Variants in PHC3 observed in about 807,000 individuals in gnomAD.
PHC3 encodes the protein polyhomeotic homolog 3.
A neutral mutation model predicts 107.4 loss-of-function variants in PHC3; 13 were observed. The ratio of observed to expected loss-of-function variants is 0.12; its 90% CI spans 0.08 to 0.19. The LOEUF is 0.19. PHC3 is among the 10% of genes least tolerant of loss of function. The pLI is 1.00. For missense variants in PHC3, 992 were observed against 1,210.9 expected (o/e 0.82, Z 2.68); for synonymous variants, 456 against 427.4 (o/e 1.07, Z -0.83).
chr3:170,176,356 C>T (rs2108779162), intron 2 of PHC3, among the ~76,000 whole-genome samples: 1 of 152,024 alleles, frequency 6.6e-6, no homozygotes, highest in Non-Finnish European at 1.5e-5. Context: ...TTCCACTCCA[C>T]AGTGATTTTG....
chr3:170,153,868 G>C (rs1560104636), intron 4 of PHC3, among the ~76,000 whole-genome samples: 1 of 151,764 alleles, frequency 6.6e-6, no homozygotes, highest in Admixed American at 6.6e-5. Context: ...CATTACCATA[G>C]CAAGGTATGT....
At chr3:170,146,745 C>T (rs1415441674) in intron 5 of PHC3, among the ~76,000 whole-genome samples, 2 of 151,762 alleles carry the variant, frequency 1.3e-5, no homozygotes, top group East Asian at 3.9e-4. Context: ...GTTGGCCAGG[C>T]TGGTCTCGAA....
intron 1 of PHC3, 102 bp downstream of exon 1, chr3:170,181,600 A>G: frequency 6.4e-7 from 1 of 1,558,474 alleles, no homozygotes. Flanking sequence ...CTCTTTCCCC[A>G]CACTGCCCGC....
intron 7 of PHC3, among the ~76,000 whole-genome samples, chr3:170,129,764 A>T (rs188196442): frequency 6.6e-6 from 1 of 151,898 alleles, no homozygotes; most frequent in African/African-American, 2.4e-5. Context: ...CAGTGGCATG[A>T]TCTCAGCTCA....
At chr3:170,177,812 T>A (rs948262134) in intron 2 of PHC3, among the ~76,000 whole-genome samples, 1 of 151,474 alleles carries the variant, frequency 6.6e-6, no homozygotes, top group African/African-American at 2.4e-5. Context: ...CTGGGACCAC[T>A]GGCACATGCC....
In PHC3 at chr3:170,095,057, G is replaced by A. The variant is rs977478848; in HGVS notation, c.*2173C>T. 6.6e-6 allele frequency: 1 copy of A among 152,088 alleles called. No individual in the cohort carries two copies. The highest frequency in any genetic ancestry group is 2.4e-5 in the African/African-American group (1 of 41,422). The allele number at this position is 152,088 out of a possible 1,614,324, so 9.4% of individuals were successfully genotyped here. ...TCTATGAAAAGTTTTAATTCCAGGCGAGATTTTCCGTTGCACCTCTCTCTC... is the reference window on the plus strand; with the variant it reads ...TCTATGAAAAGTTTTAATTCCAGGCAAGATTTTCCGTTGCACCTCTCTCTC... On this transcript the variant is annotated 3_prime_UTR_variant, in exon 15 of 15. Transcript: ENST00000495893.
At chr3:170,164,304 T>C (rs939512287) in intron 4 of PHC3, among the ~76,000 whole-genome samples, 1 of 152,204 alleles carries the variant, frequency 6.6e-6, no homozygotes, top group Non-Finnish European at 1.5e-5. Context: ...CTCTATATAT[T>C]TGTGTTATCT....
At chr3:170,118,243 G>C (rs1719437504) in intron 9 of PHC3, among the ~76,000 whole-genome samples, 1 of 152,076 alleles carries the variant, frequency 6.6e-6, no homozygotes, top group Admixed American at 6.6e-5. Flanking sequence ...AGAACAAGTA[G>C]ATTTATTTAT....
chr3:170,107,437 T>G (rs1716764971), intron 11 of PHC3, among the ~76,000 whole-genome samples: 1 of 152,102 alleles, frequency 6.6e-6, no homozygotes, highest in East Asian at 1.9e-4. Flanking sequence ...TACAGGAGCA[T>G]GCAAAATAAT....
At chr3:170,102,389 C>G in intron 14 of PHC3, 90 bp downstream of exon 14, 2 of 1,526,170 alleles carry the variant, frequency 1.3e-6, no homozygotes, top group South Asian at 1.2e-5. Context: ...ACTTCTCTAG[C>G]CCTTTTGTGC....
Position 170,129,365 on chromosome 3 carries a change from G to A in PHC3, c.1107C>T (p.Asn369=). ...TACTGGGAGCTGGAGGAAGGCCATG[G>A]TTCTGGAGTGGTATACAGTGCTGGG... is the stretch of plus-strand genomic sequence containing the variant. The part of the protein sequence containing the change: ...PPSQHCIPLQ[N]HGLPPAPSNA... The change falls in exon 8 of 15, where the codon AAC becomes AAT. Residue 369 remains asparagine (N), a synonymous_variant. Transcript: ENST00000495893. 1 of 1,613,918 alleles carries A rather than the reference G, an allele frequency of 6.2e-7. No individual in the cohort carries two copies. Among genetic ancestry groups the A allele is most frequent in the Non-Finnish European group, 8.5e-7 (1 of 1,179,858 alleles).
At position 170,093,370 on chromosome 3, in the gene PHC3, T is replaced by G. The variant is rs905398133; in HGVS notation, c.*3860A>C. The G allele has an allele frequency of 6.6e-6, 1 of 152,208 alleles. No individual in the cohort carries two copies. The highest frequency in any genetic ancestry group is 1.5e-5 in the Non-Finnish European group (1 of 68,036). The allele number at this position is 152,208 out of a possible 1,614,324, so 9.4% of individuals were successfully genotyped here. On this transcript the variant is annotated 3_prime_UTR_variant, in exon 15 of 15. Coordinates refer to ENST00000495893, the MANE Select transcript of PHC3 (RefSeq NM_024947.4). ...GCCATTAGCTAATGCTCAATGCCAGTAGGCTGCATGTGTTCCTGCAATCCA... is the reference window on the plus strand; with the variant it reads ...GCCATTAGCTAATGCTCAATGCCAGGAGGCTGCATGTGTTCCTGCAATCCA...
chr3:170,163,256 A>T (rs887544749), intron 4 of PHC3, among the ~76,000 whole-genome samples: 13 of 141,902 alleles, frequency 9.2e-5, no homozygotes, highest in South Asian at 2.2e-4. Context: ...AGAAAGTCAT[A>T]AAAAAAAAAA....
At chr3:170,146,506 T>C (rs967838367) in intron 5 of PHC3, among the ~76,000 whole-genome samples, 5 of 151,074 alleles carry the variant, frequency 3.3e-5, no homozygotes, top group African/African-American at 9.7e-5. Flanking sequence ...TTTTTACTTA[T>C]CACTTTCCTT....
intron 4 of PHC3, among the ~76,000 whole-genome samples, chr3:170,152,093 A>C (rs1011558241): frequency 6.6e-6 from 1 of 152,052 alleles, no homozygotes; most frequent in Non-Finnish European, 1.5e-5. Context: ...TTAATATAAT[A>C]GTTAAATGTA....
chr3:170,132,956 T>C (rs1470772174), intron 7 of PHC3, among the ~76,000 whole-genome samples: 1 of 152,172 alleles, frequency 6.6e-6, no homozygotes, highest in Non-Finnish European at 1.5e-5. Context: ...ATGTATCAAG[T>C]GGAAACTCCA....
At chr3:170,146,009 T>A in intron 5 of PHC3, among the ~76,000 whole-genome samples, 1 of 152,164 alleles carries the variant, frequency 6.6e-6, no homozygotes. Context: ...ACTCCAATAT[T>A]TCACTTAGCT....
chr3:170,143,542 A>G lies in PHC3; in HGVS notation c.672+1881T>C, dbSNP rs866424004. Reference sequence around the variant, plus strand: ...AAGATTGAGAACTATTATATTACAAATAAGAAGCCAAAGATGACCCTAAAA... The same window carrying G: ...AAGATTGAGAACTATTATATTACAAGTAAGAAGCCAAAGATGACCCTAAAA... On this transcript the variant is annotated intron_variant, in intron 6 of 14. Coordinates refer to ENST00000495893, the MANE Select transcript of PHC3 (RefSeq NM_024947.4). 4.6e-5 allele frequency among the ~76,000 whole-genome samples: 7 copies of G among 152,212 alleles called. 1 individual carries two copies. Among genetic ancestry groups the G allele is most frequent in the Admixed American group, 1.3e-4 (2 of 15,290 alleles).
chr3:170,145,971 T>C (rs1241677566), intron 5 of PHC3, among the ~76,000 whole-genome samples: 1 of 152,206 alleles, frequency 6.6e-6, no homozygotes, highest in East Asian at 1.9e-4. Context: ...GTCCTCTTTA[T>C]CATAAGGATA....
Sources: allele counts gnomAD v4.1 joint callset (sites outside exome capture counted in the v4.1 genomes callset), GRCh38; gene constraint gnomAD v4.1.1; transcripts MANE v1.5; gene names NCBI Gene and HGNC (gene_info 2026-07-23, HGNC 2026-07-21).